Variants in TRPM3 observed in about 807,000 individuals in gnomAD.
The protein encoded by TRPM3 is transient receptor potential cation channel subfamily M member 3, also known as long transient receptor potential channel 3.
A neutral mutation model predicts 181.2 loss-of-function variants in TRPM3; 77 were observed. The ratio of observed to expected loss-of-function variants is 0.42; its 90% CI spans 0.35 to 0.51. The LOEUF (loss-of-function observed/expected upper bound fraction) is 0.51, where lower values mean the gene tolerates loss of function less well. TRPM3 is among the 20% of genes least tolerant of loss of function. The pLI is 0.01. For synonymous variants in TRPM3, 745 were observed against 796.4 expected (o/e 0.94, Z 1.09); for missense variants, 1,759 against 2,196.7 (o/e 0.80, Z 3.98).
At chr9:71,340,802 T>C (rs144249486) in intron 1 of TRPM3, among the ~76,000 whole-genome samples, 101 of 152,208 alleles carry the variant, frequency 6.6e-4, no homozygotes, top group African/African-American at 2.4e-3. Flanking sequence ...TTTTGTTTCT[T>C]ACTACCATTT....
intron 1 of TRPM3, among the ~76,000 whole-genome samples, chr9:71,182,658 A>T (rs1329768): frequency 0.038 from 5,753 of 152,178 alleles, 132 homozygotes; most frequent in Non-Finnish European, 0.051. Context: ...CAAGATGCTC[A>T]ATATTAAATT....
chr9:70,763,508 A>T (rs1433033549), intron 7 of TRPM3, among the ~76,000 whole-genome samples: 2 of 152,118 alleles, frequency 1.3e-5, no homozygotes, highest in African/African-American at 2.4e-5. Flanking sequence ...TCTAAAAAAA[A>T]TTTATATTTA....
At chr9:71,376,541 A>G (rs1186941970) in intron 1 of TRPM3, among the ~76,000 whole-genome samples, 1 of 152,000 alleles carries the variant, frequency 6.6e-6, no homozygotes, top group African/African-American at 2.4e-5. Context: ...TAAATATTCT[A>G]TTTCATCCAA....
At chr9:71,018,052 C>A (rs1303934116) in intron 1 of TRPM3, among the ~76,000 whole-genome samples, 1 of 151,726 alleles carries the variant, frequency 6.6e-6, no homozygotes, top group African/African-American at 2.4e-5. Context: ...TGTTTAAGAT[C>A]TGAAAAATAC....
chr9:71,410,837 A>G (rs1287709469), intron 1 of TRPM3, among the ~76,000 whole-genome samples: 3 of 152,206 alleles, frequency 2.0e-5, no homozygotes, highest in Non-Finnish European at 4.4e-5. Context: ...CCTGATGAAC[A>G]TTGACGCAAA....
rs1464465322 is a variant in TRPM3 at position 71,142,877 on chromosome 9, G to A, written c.184-278366C>T. Reference sequence around the variant, plus strand: ...CCCAGCACACTGGGAGGCCAAGGCAGCGAGGCAGGAGAATCACTTGAGCCC... The same window carrying A: ...CCCAGCACACTGGGAGGCCAAGGCAACGAGGCAGGAGAATCACTTGAGCCC... On this transcript the variant is annotated intron_variant, in intron 1 of 24. Coordinates refer to the TRPM3 transcript ENST00000357533. Among the ~76,000 whole-genome samples the A allele has an allele frequency of 2.0e-5, 3 of 151,866 alleles. No homozygotes were observed. The East Asian group carries it at 5.8e-4, about 29-fold the overall frequency.
Position 71,104,882 on chromosome 9 carries a change from T to C in TRPM3, c.177+16296A>G, listed in dbSNP as rs11142692. 5.9e-5 allele frequency among the ~76,000 whole-genome samples: 9 copies of C among 152,272 alleles called. No homozygotes were observed. In the East Asian group the frequency reaches 1.5e-3, roughly 26 times the overall value. ...ACAACTGAAACGCTTATATTGTATG[T>C]TAAAGGGAGTAGGAAATGGTATGAT... On this transcript the variant is annotated intron_variant, in intron 1 of 25. Transcript: ENST00000677713.
chr9:70,597,121 T>C (rs185471621), intron 21 of TRPM3, among the ~76,000 whole-genome samples: 90 of 152,002 alleles, frequency 5.9e-4, no homozygotes, highest in African/African-American at 2.0e-3. Context: ...TTAGTAGAGA[T>C]AGGGTTTCTC....
intron 1 of TRPM3, among the ~76,000 whole-genome samples, chr9:70,922,634 C>A (rs1015229357): frequency 1.4e-4 from 22 of 152,170 alleles, no homozygotes; most frequent in African/African-American, 5.3e-4. Flanking sequence ...TAAATCATTT[C>A]TTTCAGAACT....
At chr9:70,860,611 C>G (rs1158750644) in intron 3 of TRPM3, among the ~76,000 whole-genome samples, 2 of 152,104 alleles carry the variant, frequency 1.3e-5, no homozygotes, top group Non-Finnish European at 2.9e-5. Context: ...CTGTGGTCAA[C>G]CAGTAGGCTA....
intron 8 of TRPM3, among the ~76,000 whole-genome samples, chr9:70,755,410 G>A (rs1369324417): frequency 6.7e-6 from 1 of 150,026 alleles, no homozygotes; most frequent in African/African-American, 2.5e-5. Flanking sequence ...CGCTCTTGTT[G>A]CCCAGGCTGG....
chr9:71,168,017 G>A (rs916077657), intron 1 of TRPM3, among the ~76,000 whole-genome samples: 2 of 152,138 alleles, frequency 1.3e-5, no homozygotes, highest in Non-Finnish European at 2.9e-5. Flanking sequence ...TTTAGAGGAA[G>A]AACTGTTATT....
intron 1 of TRPM3, among the ~76,000 whole-genome samples, chr9:71,422,277 AAAAAG>A (rs1333152578): frequency 6.6e-6 from 1 of 152,088 alleles, no homozygotes; most frequent in African/African-American, 2.4e-5. Context: ...GAAGAATATG[AAAAAG>A]AAAATAGTGT....
chr9:71,267,690 T>A (rs1180497377), intron 1 of TRPM3, among the ~76,000 whole-genome samples: 1 of 152,226 alleles, frequency 6.6e-6, no homozygotes, highest in East Asian at 1.9e-4. Flanking sequence ...GTGTGATTAT[T>A]AATTATACTT....
intron 1 of TRPM3, among the ~76,000 whole-genome samples, chr9:71,050,578 C>CA (rs990409297): frequency 3.3e-5 from 5 of 152,152 alleles, no homozygotes; most frequent in African/African-American, 1.2e-4. Context: ...TATTTTTCCA[C>CA]AAAAAAATAA....
chr9:71,116,539 A>G (rs1423409154), intron 1 of TRPM3, among the ~76,000 whole-genome samples: 2 of 152,218 alleles, frequency 1.3e-5, no homozygotes, highest in African/African-American at 4.8e-5. Flanking sequence ...GAGACAATAG[A>G]AAGAACATTG....
rs2040864778 is a variant in TRPM3, at chr9:70,531,471, A to G, written c.*4482T>C. ...AAAAGTCAAAAGAAATGCATAAAGC[A>G]GTGCATGCATTTTGTTGACACAAAA... On this transcript the variant is annotated 3_prime_UTR_variant, in exon 26 of 26. Transcript: ENST00000677713. 6.6e-6 allele frequency: 1 copy of G among 152,232 alleles called. No individual in the cohort carries two copies. Among genetic ancestry groups the G allele is most frequent in the Non-Finnish European group, 1.5e-5 (1 of 68,030 alleles). 9.4% of individuals were successfully genotyped at this position (152,232 alleles called of 1,614,324 possible).
At chr9:70,777,810 A>C (rs2081673019) in intron 7 of TRPM3, among the ~76,000 whole-genome samples, 2 of 152,124 alleles carry the variant, frequency 1.3e-5, no homozygotes, top group African/African-American at 4.8e-5. Context: ...AAAAATACCT[A>C]AGTGATTGAT....
intron 1 of TRPM3, among the ~76,000 whole-genome samples, chr9:70,910,653 A>T (rs562532795): frequency 1.3e-5 from 2 of 152,328 alleles, no homozygotes; most frequent in South Asian, 4.1e-4. Flanking sequence ...TTCAGCTTCT[A>T]AAAATCAAGA....
Sources: allele counts gnomAD v4.1 joint callset (sites outside exome capture counted in the v4.1 genomes callset), GRCh38; gene constraint gnomAD v4.1.1; transcripts MANE v1.5; gene names NCBI Gene and HGNC (gene_info 2026-07-23, HGNC 2026-07-21).